The following ASAP1 variants were observed in gnomAD, a reference collection of about 807,000 sequenced individuals.
The protein encoded by ASAP1 is ArfGAP with SH3 domain, ankyrin repeat and PH domain 1, also known as arf-GAP with SH3 domain, ANK repeat and PH domain-containing protein 1.
In ASAP1, 43 loss-of-function variants were observed where a neutral mutation model predicts 145.2. The observed-to-expected ratio is 0.30, with a 90% CI of 0.23 to 0.38. The LOEUF (loss-of-function observed/expected upper bound fraction) is 0.38, where lower values mean the gene tolerates loss of function less well. Among genes scored for constraint, ASAP1 ranks in the 10% least tolerant of loss-of-function variants. The pLI, the probability that ASAP1 is intolerant of heterozygous loss-of-function variation, is 1.00. For missense variants in ASAP1, 1,018 were observed against 1,355.3 expected, an observed-to-expected ratio of 0.75 and a Z score of 3.91; for synonymous variants, 546 against 515.5, an observed-to-expected ratio of 1.06 and a Z score of -0.80.
At chr8:130,223,952 G>A (rs1012008824) in intron 4 of ASAP1, among the ~76,000 whole-genome samples, 1 of 152,114 alleles carries the variant, frequency 6.6e-6, no homozygotes, top group African/African-American at 2.4e-5. Context: ...CCTATCCAAA[G>A]TTCTCCTGTC....
intron 16 of ASAP1, 54 bp from the exon 17 acceptor site, chr8:130,126,143 T>C: frequency 6.5e-7 from 1 of 1,538,902 alleles, no homozygotes; most frequent in Non-Finnish European, 8.8e-7. Context: ...AATTTTAGTG[T>C]GCCAACTACA....
intron 29 of ASAP1, among the ~76,000 whole-genome samples, chr8:130,055,461 G>A (rs897052): frequency 0.019 from 2,947 of 151,918 alleles, 100 homozygotes; most frequent in African/African-American, 0.066. Flanking sequence ...GACCCACTGC[G>A]GGGTACCATA....
chr8:130,436,021 C>T (rs1830300047), intron 1 of ASAP1, among the ~76,000 whole-genome samples: 2 of 152,322 alleles, frequency 1.3e-5, no homozygotes, highest in African/African-American at 4.8e-5. Context: ...AGCCACTAAG[C>T]CCCCAAACCA....
chr8:130,357,984 A>G (rs1287213306), intron 3 of ASAP1, 33 bp downstream of exon 3: 1 of 1,585,894 alleles, frequency 6.3e-7, no homozygotes, highest in Non-Finnish European at 8.5e-7. Context: ...GGCAGCGGCG[A>G]GCGTGGACGG....
intron 5 of ASAP1, among the ~76,000 whole-genome samples, chr8:130,212,726 G>C (rs942889488): frequency 6.6e-6 from 1 of 152,182 alleles, no homozygotes; most frequent in Admixed American, 6.5e-5. Flanking sequence ...ACAAACAAAT[G>C]TATTAGGTGA....
chr8:130,361,904 G>T, intron 2 of ASAP1: 1 of 695,002 alleles, frequency 1.4e-6, no homozygotes, highest in Non-Finnish European at 2.6e-6. Flanking sequence ...TGTGCACCTG[G>T]CTTTATATAA....
intron 2 of ASAP1, among the ~76,000 whole-genome samples, chr8:130,392,718 T>C (rs1296638403): frequency 6.6e-6 from 1 of 151,424 alleles, no homozygotes; most frequent in Non-Finnish European, 1.5e-5. Flanking sequence ...CCTGCTTCTG[T>C]GAGGGCCTCA....
intron 5 of ASAP1, among the ~76,000 whole-genome samples, chr8:130,203,230 A>G (rs1565084621): frequency 6.6e-6 from 1 of 152,214 alleles, no homozygotes; most frequent in Non-Finnish European, 1.5e-5. Context: ...TAAATTAGAA[A>G]GCACTGCATT....
chr8:130,257,146 G>C (rs1329671463), intron 3 of ASAP1, among the ~76,000 whole-genome samples: 5 of 151,988 alleles, frequency 3.3e-5, no homozygotes, highest in Non-Finnish European at 7.4e-5. Flanking sequence ...GAGCCTGTGT[G>C]GGCCCAGAGC....
intron 3 of ASAP1, among the ~76,000 whole-genome samples, chr8:130,246,736 T>C (rs1818877015): frequency 6.6e-6 from 1 of 152,156 alleles, no homozygotes; most frequent in South Asian, 2.1e-4. Flanking sequence ...AAATCAAACC[T>C]GTCATCCTAA....
intron 3 of ASAP1, among the ~76,000 whole-genome samples, chr8:130,282,043 C>T (rs1027710717): frequency 6.7e-6 from 1 of 149,610 alleles, no homozygotes; most frequent in African/African-American, 2.5e-5. Context: ...CACTCCAGTC[C>T]AGGCGACAGT....
At position 130,060,579 on chromosome 8, in the gene ASAP1, C is replaced by A. The variant is rs1379112127; in HGVS notation, c.3192G>T (p.Thr1064=). Residue 1064 remains threonine (T), a splice_region_variant and synonymous_variant, in exon 28 of 30, where the codon ACG becomes ACT. Coordinates refer to ENST00000518721, the MANE Select transcript of ASAP1 (RefSeq NM_018482.4). ...TPVPLPRKIN[T]GKNKVRRVKT... ...AGGGCCTGAACATTGTCCCACCCACCGTATTGATTTTTCTGGGCAGTGGTA... is the reference window on the plus strand; with the variant it reads ...AGGGCCTGAACATTGTCCCACCCACAGTATTGATTTTTCTGGGCAGTGGTA... 3.7e-6 allele frequency: 6 copies of A among 1,605,820 alleles called. No individual in the cohort carries two copies. The highest frequency in any genetic ancestry group is 5.1e-6 in the Non-Finnish European group (6 of 1,175,762).
At chr8:130,442,989 G>T (rs1830538799) in intron 1 of ASAP1, among the ~76,000 whole-genome samples, 1 of 152,172 alleles carries the variant, frequency 6.6e-6, no homozygotes, top group African/African-American at 2.4e-5. Flanking sequence ...AGTGGCCTGG[G>T]GCCTGCCAAG....
At chr8:130,427,886 A>T (rs977809499) in intron 1 of ASAP1, 1 of 152,124 alleles carries the variant, frequency 6.6e-6, no homozygotes, top group African/African-American at 2.4e-5. Flanking sequence ...CAACTCACAA[A>T]TCTCATCTTC....
chr8:130,164,017 C>T (rs566640920), intron 11 of ASAP1, among the ~76,000 whole-genome samples: 1 of 152,230 alleles, frequency 6.6e-6, no homozygotes, highest in South Asian at 2.1e-4. Flanking sequence ...TAAAACTAAA[C>T]CTCTACTACA....
At chr8:130,266,177 A>G (rs1820231613) in intron 3 of ASAP1, among the ~76,000 whole-genome samples, 2 of 152,208 alleles carry the variant, frequency 1.3e-5, no homozygotes, top group Non-Finnish European at 2.9e-5. Context: ...TCCACCCACC[A>G]GCACAGAGAG....
intron 3 of ASAP1, among the ~76,000 whole-genome samples, chr8:130,247,715 G>A (rs934666530): frequency 9.2e-5 from 14 of 152,172 alleles, no homozygotes; most frequent in African/African-American, 3.4e-4. Context: ...GACGTGAGCT[G>A]CACATCAGCC....
At chr8:130,062,990 CAAT>C (rs984134708) in intron 27 of ASAP1, among the ~76,000 whole-genome samples, 6 of 151,662 alleles carry the variant, frequency 4.0e-5, no homozygotes, top group Admixed American at 6.6e-5. Flanking sequence ...CAACAAACAA[CAAT>C]GATATGTAGC....
At chr8:130,282,593 T>A (rs1821318623) in intron 3 of ASAP1, among the ~76,000 whole-genome samples, 1 of 152,122 alleles carries the variant, frequency 6.6e-6, no homozygotes, top group South Asian at 2.1e-4. Flanking sequence ...CTGAAAGGCC[T>A]TTCAGCTCTG....
Sources: allele counts gnomAD v4.1 joint callset (sites outside exome capture counted in the v4.1 genomes callset), GRCh38; gene constraint gnomAD v4.1.1; transcripts MANE v1.5; gene names NCBI Gene and HGNC (gene_info 2026-07-23, HGNC 2026-07-21).